The following INSR variants were observed in gnomAD, a reference collection of about 807,000 sequenced individuals.
INSR encodes insulin receptor.
Under a neutral mutation model 142.6 loss-of-function variants are expected in INSR, and 67 were observed. The observed-to-expected ratio is 0.47, with a 90% CI of 0.39 to 0.58. The LOEUF is 0.58. INSR is among the 20% of genes least tolerant of loss of function. The pLI is 0.00. For synonymous variants in INSR, 756 were observed against 743.1 expected (o/e 1.02, Z -0.28); for missense variants, 1,248 against 1,833.2 (o/e 0.68, Z 5.83).
chr19:7,156,584 C>A (rs1352901521), intron 9 of INSR, among the ~76,000 whole-genome samples: 4 of 151,986 alleles, frequency 2.6e-5, no homozygotes, highest in Admixed American at 1.3e-4. Context: ...ACAGTCCCAC[C>A]CCAGAGAATG....
chr19:7,245,581 TGG>T (rs1171098204), intron 2 of INSR, among the ~76,000 whole-genome samples: 1 of 152,120 alleles, frequency 6.6e-6, no homozygotes, highest in East Asian at 1.9e-4. Context: ...CCCAAGTAGC[TGG>T]GACTACAGGC....
chr19:7,250,729 C>T (rs1976703000), intron 2 of INSR, among the ~76,000 whole-genome samples: 1 of 151,994 alleles, frequency 6.6e-6, no homozygotes, highest in Non-Finnish European at 1.5e-5. Context: ...CCACTCAGAG[C>T]CATGTGCAAA....
intron 2 of INSR, among the ~76,000 whole-genome samples, chr19:7,236,359 T>A (rs1292202735): frequency 6.6e-6 from 1 of 152,144 alleles, no homozygotes; most frequent in African/African-American, 2.4e-5. Flanking sequence ...CATAAAAGAC[T>A]CCTACACAAT....
chr19:7,270,239 TG>T lies in INSR; in HGVS notation c.101-2344del, dbSNP rs375962205. Among the ~76,000 whole-genome samples, 637 of 152,118 alleles carry T rather than the reference TG, an allele frequency of 4.2e-3. 11 individuals are homozygous for T. The highest frequency in any genetic ancestry group is 0.014 in the African/African-American group (600 of 41,496). On this transcript the variant is annotated intron_variant, in intron 1 of 21. Transcript: ENST00000302850. Reference sequence around the variant, plus strand: ...CTGGGATTACGGGCATAAACCACCATGCCTGGCTGGCATCCTAATCTTAGAT... The same window carrying T: ...CTGGGATTACGGGCATAAACCACCATCCTGGCTGGCATCCTAATCTTAGAT...
chr19:7,222,366 G>C (rs4804411), intron 2 of INSR, among the ~76,000 whole-genome samples: 91,896 of 151,876 alleles, frequency 0.61, 28,206 homozygotes, highest in African/African-American at 0.69. Flanking sequence ...CATGTGTCCC[G>C]TACACCCAGC....
chr19:7,149,131 T>C (rs28614180), intron 11 of INSR, among the ~76,000 whole-genome samples: 2,779 of 152,068 alleles, frequency 0.018, 95 homozygotes, highest in African/African-American at 0.063. Flanking sequence ...ATGGTCTCGA[T>C]CTTCTGATCT....
Position 7,119,629 on chromosome 19 carries a change from C to T in INSR, c.3660-46G>A. The T allele has an allele frequency of 2.5e-6, 4 of 1,607,248 alleles. No individual in the cohort carries two copies. Among genetic ancestry groups the T allele is most frequent in the South Asian group, 1.1e-5 (1 of 90,846 alleles). On this transcript the variant is annotated intron_variant, in intron 20 of 21. Coordinates refer to ENST00000302850, the MANE Select transcript of INSR (RefSeq NM_000208.4). This position sits in a 1 kb window ranked among gnomAD's most constrained non-coding sequence, Gnocchi z 5.2. ...TAGTAACAAAGAAGCCATTTAGACA[C>T]ACACACACACGCGCGCGCGCAAACA...
intron 3 of INSR, among the ~76,000 whole-genome samples, chr19:7,179,195 A>G (rs1974213869): frequency 6.6e-6 from 1 of 152,216 alleles, no homozygotes; most frequent in African/African-American, 2.4e-5. Flanking sequence ...TACAGGCATG[A>G]GCCACCACAC....
chr19:7,227,475 G>A (rs776354671), intron 2 of INSR, among the ~76,000 whole-genome samples: 4 of 152,086 alleles, frequency 2.6e-5, no homozygotes, highest in Non-Finnish European at 5.9e-5. Flanking sequence ...GTTTCACCAA[G>A]TTGCCCAGGC....
Position 7,197,833 on chromosome 19 carries a change from AAC to A in INSR, c.653-13198_653-13197del, listed in dbSNP as rs1318977787. On this transcript the variant is annotated intron_variant, in intron 2 of 21. Coordinates refer to ENST00000302850, the MANE Select transcript of INSR (RefSeq NM_000208.4). ...GGGAGAGAGAGCGAGAGAGAGAGAG[AAC>A]GAGAGAGAGAGAGAGAGAACGAGAG... is the stretch of plus-strand genomic sequence containing the variant. 2.0e-4 allele frequency among the ~76,000 whole-genome samples: 12 copies of A among 58,544 alleles called. 1 individual carries two copies. The highest frequency in any genetic ancestry group is 8.1e-4 in the East Asian group (2 of 2,478). 38.4% of individuals were successfully genotyped at this position (58,544 alleles called of 152,430 possible).
At position 7,152,876 on chromosome 19, in the gene INSR, G is replaced by A. The variant is rs574155637; in HGVS notation, c.2081C>T (p.Ser694Phe). ...ATACTCACTCTGGTTGTGCTTCTGA[G>A]AATCTTCAGACTCGAATGGTGGAGA... Reference protein sequence around the residue: ...TWSPPFESEDSQKHNQSEYED... With the variant: ...TWSPPFESEDFQKHNQSEYED... Residue 694 changes from serine (S) to phenylalanine (F), a missense_variant, in exon 10 of 22, where the codon TCT (serine) becomes TTT (phenylalanine). Physicochemically the swap from Ser to Phe is radical, Grantham distance 155. Coordinates refer to ENST00000302850, the MANE Select transcript of INSR (RefSeq NM_000208.4). The A allele has an allele frequency of 1.6e-5, 26 of 1,613,094 alleles. No individual in the cohort carries two copies. Among genetic ancestry groups the A allele is most frequent in the African/African-American group, 1.5e-4 (11 of 74,938 alleles).
chr19:7,294,018 G>T lies in INSR; in HGVS notation c.-127C>A, dbSNP rs1289194322. The T allele has an allele frequency of 5.9e-6, 6 of 1,014,150 alleles. No individual in the cohort carries two copies. Among genetic ancestry groups the T allele is most frequent in the East Asian group, 1.1e-4 (2 of 17,752 alleles). The allele number at this position is 1,014,150 out of a possible 1,614,324, so 62.8% of individuals were successfully genotyped here. A position where few individuals can be genotyped will look rare whatever the true frequency, so the allele number is the denominator to read the frequency against. ...TCCTTCTCTTCCACGCCCGCGACCC[G>T]CGGGCCGCAGCCCCCCTGCCGGGGA... On this transcript the variant is annotated 5_prime_UTR_variant, in exon 1 of 22. Transcript: ENST00000302850.
chr19:7,138,174 C>T lies in INSR; in HGVS notation c.2682+3503G>A, dbSNP rs372519456. ...AGAGACGGGGTTTCACCGTGTTAGC[C>T]AGGATGGTCTCGATCTCCTGACCTC... is the stretch of plus-strand genomic sequence containing the variant. On this transcript the variant is annotated intron_variant, in intron 13 of 21. Transcript: ENST00000302850. Among the ~76,000 whole-genome samples, 79 of 151,636 alleles carry T rather than the reference C, an allele frequency of 5.2e-4. 1 individual carries two copies. Among genetic ancestry groups the T allele is most frequent in the African/African-American group, 1.9e-3 (77 of 41,332 alleles).
At chr19:7,189,754 C>T (rs1216413550) in intron 2 of INSR, among the ~76,000 whole-genome samples, 2 of 151,228 alleles carry the variant, frequency 1.3e-5, no homozygotes, top group African/African-American at 4.9e-5. Flanking sequence ...AACTCTGTGT[C>T]CCAGGTTCAA....
chr19:7,197,817 AGC>A (rs1363670062), intron 2 of INSR, among the ~76,000 whole-genome samples: 3 of 98,146 alleles, frequency 3.1e-5, no homozygotes, highest in African/African-American at 9.2e-5. Flanking sequence ...TGGGAGAGAG[AGC>A]GAGAGAGAGA....
chr19:7,166,465 G>A lies in INSR; in HGVS notation c.1611-61C>T, dbSNP rs1973892770. 6 of 1,582,040 alleles carry A rather than the reference G, an allele frequency of 3.8e-6. No homozygotes were observed. In the South Asian group the frequency reaches 4.5e-5, roughly 12 times the overall value. ...ACAAGACCGTCACACTGAGTGCCGT[G>A]CAGATGAGGCCTGGGAAGTTACATC... On this transcript the variant is annotated intron_variant, in intron 7 of 21. Coordinates refer to ENST00000302850, the MANE Select transcript of INSR (RefSeq NM_000208.4). This position sits in a 1 kb window ranked among gnomAD's most constrained non-coding sequence, Gnocchi z 4.1.
intron 9 of INSR, among the ~76,000 whole-genome samples, chr19:7,153,470 A>AC (rs753880603): frequency 9.4e-5 from 2 of 21,324 alleles, no homozygotes; most frequent in South Asian, 2.7e-3. Flanking sequence ...CACACACCAC[A>AC]CACACACCAC....
chr19:7,152,255 G>T, intron 10 of INSR: 1 of 239,490 alleles, frequency 4.2e-6, no homozygotes, highest in Non-Finnish European at 8.3e-6. Flanking sequence ...GCTGGGCGTG[G>T]TGCTGCGCAC....
intron 11 of INSR, 130 bp from the exon 12 acceptor site, chr19:7,143,220 T>C (rs1731655390): frequency 2.1e-6 from 2 of 975,156 alleles, no homozygotes; most frequent in Non-Finnish European, 3.2e-6. Flanking sequence ...ATGGGGAACA[T>C]GGATTACAAT....
Sources: gnomAD v4.1 joint callset for allele counts (sites outside exome capture counted in the v4.1 genomes callset) on GRCh38, gnomAD v4.1.1 for gene constraint, Gnocchi (gnomAD v3.1) non-coding constraint, MANE v1.5 for transcripts, NCBI Gene and HGNC (gene_info 2026-07-23, HGNC 2026-07-21) for gene names.